The following UBE2H variants were observed in gnomAD, a reference collection of about 807,000 sequenced individuals.
UBE2H encodes the protein ubiquitin-conjugating enzyme E2 H.
Under a neutral mutation model 29.0 loss-of-function variants are expected in UBE2H, and 3 were observed. That is an observed-to-expected ratio of 0.10 (90% confidence interval 0.05 to 0.27). The LOEUF is 0.27. UBE2H is among the 10% of genes least tolerant of loss of function. The pLI, the probability that UBE2H is intolerant of heterozygous loss-of-function variation, is 1.00. For synonymous variants in UBE2H, 69 were observed against 82.9 expected, an observed-to-expected ratio of 0.83 and a Z score of 0.91; for missense variants, 68 against 228.2, an observed-to-expected ratio of 0.30 and a Z score of 4.52.
At chr7:129,896,155 C>T (rs1342382260) in intron 1 of UBE2H, among the ~76,000 whole-genome samples, 2 of 150,812 alleles carry the variant, frequency 1.3e-5, no homozygotes, top group Non-Finnish European at 3.0e-5. Context: ...TCCAATGTGG[C>T]GAAACCCCGT....
chr7:129,901,865 G>A (rs1806723352), intron 1 of UBE2H, among the ~76,000 whole-genome samples: 1 of 152,158 alleles, frequency 6.6e-6, no homozygotes, highest in Admixed American at 6.6e-5. Flanking sequence ...AAAATGCTAG[G>A]ATTACAGGTG....
chr7:129,912,528 T>C (rs1235918936), intron 1 of UBE2H, among the ~76,000 whole-genome samples: 2 of 152,238 alleles, frequency 1.3e-5, no homozygotes, highest in African/African-American at 4.8e-5. Context: ...TTATGTTTCA[T>C]ATACATCTTA....
chr7:129,864,324 C>T (rs894419501), intron 3 of UBE2H, among the ~76,000 whole-genome samples: 4 of 152,158 alleles, frequency 2.6e-5, no homozygotes, highest in African/African-American at 9.7e-5. Context: ...TTGGCCCTGG[C>T]ATGTTCTCCT....
chr7:129,915,191 T>C (rs1352910117), intron 1 of UBE2H, among the ~76,000 whole-genome samples: 2 of 152,172 alleles, frequency 1.3e-5, no homozygotes, highest in African/African-American at 2.4e-5. Context: ...CTTGGCTCCC[T>C]CTTGTTAAAT....
intron 5 of UBE2H, among the ~76,000 whole-genome samples, chr7:129,846,346 AAATAATAAT>A (rs71175044): frequency 0.04 from 5,815 of 146,254 alleles, 268 homozygotes; most frequent in African/African-American, 0.11. Context: ...GGTCTCTACA[AAATAATAAT>A]AATAATAATA....
chr7:129,868,277 G>C (rs1805953837), intron 3 of UBE2H, among the ~76,000 whole-genome samples: 4 of 152,126 alleles, frequency 2.6e-5, no homozygotes, highest in African/African-American at 9.7e-5. Flanking sequence ...GCTGTCAAAG[G>C]CAGAATTAAA....
chr7:129,846,324 A>G (rs530321409), intron 5 of UBE2H, among the ~76,000 whole-genome samples: 54 of 151,796 alleles, frequency 3.6e-4, no homozygotes, highest in Non-Finnish European at 6.5e-4. Context: ...CCTGGGCAAC[A>G]TAGGGAGATC....
intron 6 of UBE2H, 68 bp downstream of exon 6, chr7:129,839,139 C>T (rs529368133): frequency 3.8e-6 from 6 of 1,571,216 alleles, no homozygotes; most frequent in South Asian, 2.3e-5. Flanking sequence ...TTAAGAAGGA[C>T]TTTTAATGAC....
intron 1 of UBE2H, among the ~76,000 whole-genome samples, chr7:129,931,202 C>A (rs1807387473): frequency 6.7e-6 from 1 of 148,918 alleles, no homozygotes; most frequent in Non-Finnish European, 1.5e-5. Flanking sequence ...GCCTGGGCAA[C>A]AAGAGCAAAA....
rs529735433 is a variant in UBE2H, at chr7:129,920,139, ATC to A, written c.53+32362_53+32363del. On this transcript the variant is annotated intron_variant, in intron 1 of 6. Coordinates refer to ENST00000355621, the MANE Select transcript of UBE2H (RefSeq NM_003344.4). ...ATATTTATTCATATCTCAAGTATGC[ATC>A]TCTCACATTGTATGCGTAAATATTT... Among the ~76,000 whole-genome samples the A allele has an allele frequency of 3.1e-3, 477 of 152,366 alleles. 2 individuals carry two copies. The highest frequency in any genetic ancestry group is 0.011 in the African/African-American group (446 of 41,592).
intron 1 of UBE2H, among the ~76,000 whole-genome samples, chr7:129,933,866 T>C (rs1004106953): frequency 4.6e-5 from 7 of 152,194 alleles, no homozygotes; most frequent in Non-Finnish European, 8.8e-5. Flanking sequence ...GAAACCATAG[T>C]TAGCCCCAGA....
chr7:129,879,306 G>A (rs12540541), intron 3 of UBE2H, among the ~76,000 whole-genome samples: 9,532 of 152,238 alleles, frequency 0.063, 370 homozygotes, highest in Non-Finnish European at 0.092. Flanking sequence ...GAACAGTGGG[G>A]CCTTAAAGCT....
At chr7:129,904,721 C>T (rs1326837591) in intron 1 of UBE2H, among the ~76,000 whole-genome samples, 23 of 152,176 alleles carry the variant, frequency 1.5e-4, no homozygotes, top group Admixed American at 1.5e-3. Flanking sequence ...AGGTGCCAGG[C>T]ACTACGCTAG....
chr7:129,950,899 T>G (rs954200274), intron 1 of UBE2H, among the ~76,000 whole-genome samples: 2 of 151,836 alleles, frequency 1.3e-5, no homozygotes, highest in African/African-American at 4.8e-5. Context: ...TCATAAAGAG[T>G]TGATTTCACT....
At chr7:129,859,130 G>C (rs1805756508) in intron 3 of UBE2H, among the ~76,000 whole-genome samples, 189 bp from the exon 4 acceptor site, 2 of 152,158 alleles carry the variant, frequency 1.3e-5, no homozygotes, top group Admixed American at 6.5e-5. Flanking sequence ...GAATACATCA[G>C]CATTCTATTA....
chr7:129,935,400 G>A (rs1243949993), intron 1 of UBE2H, among the ~76,000 whole-genome samples: 4 of 145,312 alleles, frequency 2.8e-5, no homozygotes, highest in African/African-American at 7.6e-5. Flanking sequence ...GCGACAGAGC[G>A]AGACTGTCTC....
intron 1 of UBE2H, among the ~76,000 whole-genome samples, chr7:129,941,575 C>CCAG (rs1247406264): frequency 6.6e-6 from 1 of 152,060 alleles, no homozygotes; most frequent in African/African-American, 2.4e-5. Flanking sequence ...ACTAAAAGTT[C>CCAG]CAGCTGTCAG....
chr7:129,864,108 T>C (rs572036819), intron 3 of UBE2H, among the ~76,000 whole-genome samples: 3 of 152,302 alleles, frequency 2.0e-5, no homozygotes, highest in South Asian at 4.2e-4. Context: ...GGCTTAATTG[T>C]TAGAAAAATA....
At chr7:129,912,664 A>G (rs1806961059) in intron 1 of UBE2H, among the ~76,000 whole-genome samples, 1 of 152,142 alleles carries the variant, frequency 6.6e-6, no homozygotes, top group African/African-American at 2.4e-5. Context: ...AAAAGTTTTG[A>G]ATTTTGGAGC....
Sources: allele counts gnomAD v4.1 joint callset (sites outside exome capture counted in the v4.1 genomes callset), GRCh38; gene constraint gnomAD v4.1.1; transcripts MANE v1.5; gene names NCBI Gene and HGNC (gene_info 2026-07-23, HGNC 2026-07-21).